Variants in TIAL1 observed in about 807,000 individuals in gnomAD.
TIAL1 encodes TIA1 cytotoxic granule associated RNA binding protein like 1, also known as nucleolysin TIAR.
In TIAL1, 7 loss-of-function variants were observed where a neutral mutation model predicts 59.7. The observed-to-expected ratio is 0.12, with a 90% CI of 0.07 to 0.22. The LOEUF (loss-of-function observed/expected upper bound fraction) is 0.22, where lower values mean the gene tolerates loss of function less well. Ranked by LOEUF, TIAL1 falls within the 10% of genes least tolerant of loss-of-function variation. The probability of loss-of-function intolerance (pLI) is 1.00; values close to 1 mark genes in which losing one functional copy is unlikely to be tolerated. For missense variants in TIAL1, 225 were observed against 462.5 expected (o/e 0.49, Z 4.71); for synonymous variants, 149 against 146.3 (o/e 1.02, Z -0.13).
intron 1 of TIAL1, among the ~76,000 whole-genome samples, chr10:119,594,070 T>C (rs1339512105): frequency 7.2e-6 from 1 of 139,430 alleles, no homozygotes; most frequent in Non-Finnish European, 1.6e-5. Flanking sequence ...GTCCTTCTCT[T>C]AAAAAAAAAA....
chr10:119,594,159 A>G (rs946527069), intron 1 of TIAL1, among the ~76,000 whole-genome samples: 1 of 152,182 alleles, frequency 6.6e-6, no homozygotes, highest in African/African-American at 2.4e-5. Flanking sequence ...AAAACAACAG[A>G]GTTAAGATGT....
At chr10:119,594,417 A>G (rs953360739) in intron 1 of TIAL1, among the ~76,000 whole-genome samples, 1 of 152,210 alleles carries the variant, frequency 6.6e-6, no homozygotes, top group South Asian at 2.1e-4. Context: ...TTGGTAAGGA[A>G]CAGATACAGT....
chr10:119,579,879 G>C, intron 6 of TIAL1, 56 bp downstream of exon 6: 1 of 1,380,046 alleles, frequency 7.2e-7, no homozygotes, highest in Non-Finnish European at 9.8e-7. Flanking sequence ...AATACATTAA[G>C]TAACTAATGA....
Position 119,577,122 on chromosome 10 carries a change from A to G in TIAL1, c.819T>C (p.Tyr273=). 3.7e-6 allele frequency: 6 copies of G among 1,614,026 alleles called. No homozygotes were observed. Among genetic ancestry groups the G allele is most frequent in the Non-Finnish European group, 5.1e-6 (6 of 1,179,958 alleles). Residue 273 remains tyrosine (Y), a synonymous_variant, in exon 10 of 12, where the codon TAT becomes TAC. Coordinates refer to ENST00000436547, the MANE Select transcript of TIAL1 (RefSeq NM_003252.4). ...TCATATCAGGAGATTCTTTACCCCA[A>G]TAGCATTTAACCACATGTCCTTCAA... ...TTIEGHVVKC[Y]WGKESPDMTK... is the part of the protein sequence containing the mutation.
Position 119,575,676 on chromosome 10 carries a change from G to T in TIAL1, c.1117C>A (p.Gln373Lys). The T allele has an allele frequency of 2.5e-6, 4 of 1,613,212 alleles. No homozygotes were observed. Among genetic ancestry groups the T allele is most frequent in the Non-Finnish European group, 3.4e-6 (4 of 1,179,676 alleles). The change falls in exon 12 of 12, where the codon CAA (glutamine) becomes AAA (lysine). Residue 373 changes from glutamine to lysine, a missense_variant. Physicochemically the swap from Gln to Lys is moderately conservative, Grantham distance 53. Around this residue, in one of 4 missense-constraint regions of TIAL1, gnomAD observed 68 missense variants for 71.3 expected, o/e 0.95. Transcript: ENST00000436547. ...TTTAGAGTCCCGGCTCACTGTGTTT[G>T]GTAACTTGCCATACCATATCCGGCT... ...NQAGYGMASY[Q>K]TQ
At chr10:119,576,818 G>A in intron 10 of TIAL1, 68 bp from the exon 11 acceptor site, 1 of 1,574,012 alleles carries the variant, frequency 6.4e-7, no homozygotes, top group Non-Finnish European at 8.6e-7. Context: ...AAGAGTGGGA[G>A]ACAAGGAAGA....
rs994766147 is a variant in TIAL1 at position 119,574,733 on chromosome 10, C to T, written c.*932G>A. On this transcript the variant is annotated 3_prime_UTR_variant, in exon 12 of 12. Coordinates refer to ENST00000436547, the MANE Select transcript of TIAL1 (RefSeq NM_003252.4). ...ATTTTAATTTTACATAGTAGCCAAC[C>T]TTGGAAATGTCAGTCTTAACATTCT... 2.0e-5 allele frequency: 3 copies of T among 152,498 alleles called. No individual in the cohort carries two copies. Among genetic ancestry groups the T allele is most frequent in the African/African-American group, 7.2e-5 (3 of 41,426 alleles). The allele number at this position is 152,498 out of a possible 1,614,324, so 9.4% of individuals were successfully genotyped here.
chr10:119,596,302 C>T (rs1352270258), intron 1 of TIAL1, 132 bp downstream of exon 1: 18 of 916,134 alleles, frequency 2.0e-5, no homozygotes, highest in Non-Finnish European at 2.6e-5. Flanking sequence ...GAATGCACTT[C>T]GCGTCCACGC....
At chr10:119,581,352 T>G (rs997233939) in intron 5 of TIAL1, among the ~76,000 whole-genome samples, 1 of 152,038 alleles carries the variant, frequency 6.6e-6, no homozygotes, top group African/African-American at 2.4e-5. Context: ...AAACATCTAA[T>G]TAATCCCACA....
chr10:119,581,717 T>C, intron 5 of TIAL1: 1 of 448,050 alleles, frequency 2.2e-6, no homozygotes. Context: ...CAGGATTAGA[T>C]GAAAACGAGA....
chr10:119,580,622 G>A (rs995745339), intron 5 of TIAL1: 21 of 993,976 alleles, frequency 2.1e-5, no homozygotes, highest in Middle Eastern at 6.2e-4. Flanking sequence ...ACACCAGTAC[G>A]AAAACAACAA....
At chr10:119,596,344 G>A (rs1846188904) in intron 1 of TIAL1, 90 bp downstream of exon 1, 1 of 1,468,466 alleles carries the variant, frequency 6.8e-7, no homozygotes, top group South Asian at 1.2e-5. Context: ...TAGAGTCCCG[G>A]CTTCGGCCCA....
Position 119,596,451 on chromosome 10 carries a change from G to T in TIAL1, c.15C>A (p.Asp5Glu). The change falls in exon 1 of 12, where the codon GAC becomes GAA. Residue 5 changes from aspartate to glutamate, a missense_variant. By Grantham distance (45) the Asp-to-Glu change is conservative. Coordinates refer to ENST00000436547, the MANE Select transcript of TIAL1 (RefSeq NM_003252.4). ...GTACTCACAGAGTCCGGGGCTGCCC[G>T]TCGTCTTCCATCATGGTGGGTGCGA... MMED[D>E]GQPRTLYVGN... 1.4e-5 allele frequency: 22 copies of T among 1,583,196 alleles called. No individual in the cohort carries two copies. The highest frequency in any genetic ancestry group is 1.9e-5 in the Non-Finnish European group (22 of 1,162,298).
chr10:119,588,000 C>T, intron 2 of TIAL1, 152 bp downstream of exon 2: 2 of 447,348 alleles, frequency 4.5e-6, no homozygotes, highest in South Asian at 1.7e-4. Flanking sequence ...AAACTCCATT[C>T]TAAGCCTAGT....
intron 1 of TIAL1, among the ~76,000 whole-genome samples, chr10:119,590,544 C>G (rs918651993): frequency 1.3e-5 from 2 of 151,542 alleles, no homozygotes; most frequent in Admixed American, 1.3e-4. Context: ...ACCCTGTCTC[C>G]ACAAAAAATA....
At chr10:119,595,774 T>A (rs993198799) in intron 1 of TIAL1, among the ~76,000 whole-genome samples, 20 of 152,302 alleles carry the variant, frequency 1.3e-4, no homozygotes, top group South Asian at 8.3e-4. Context: ...CAAAGTAAAC[T>A]TCTTTATCCA....
In TIAL1 at chr10:119,596,505, C is replaced by T; in HGVS notation, c.-40G>A. 4.5e-6 allele frequency: 1 copy of T among 220,980 alleles called. No homozygotes were observed. The highest frequency in any genetic ancestry group is 2.4e-4 in the East Asian group (1 of 4,226). The allele number at this position is 220,980 out of a possible 1,614,324, so 13.7% of individuals were successfully genotyped here. On this transcript the variant is annotated 5_prime_UTR_variant, in exon 1 of 12. Coordinates refer to ENST00000436547, the MANE Select transcript of TIAL1 (RefSeq NM_003252.4). Reference sequence around the variant, plus strand: ...AGCGATCCCGGGACAAGGGGGAGGGCAGGGTTGGGGAGGGGAGGGGGTGGG... The same window carrying T: ...AGCGATCCCGGGACAAGGGGGAGGGTAGGGTTGGGGAGGGGAGGGGGTGGG...
In TIAL1 at chr10:119,577,746, G is replaced by GA; in HGVS notation, c.557-11dup. 6.2e-7 allele frequency: 1 copy of GA among 1,601,246 alleles called. No individual in the cohort carries two copies. The highest frequency in any genetic ancestry group is 8.6e-7 in the Non-Finnish European group (1 of 1,168,518). On this transcript the variant is annotated splice_polypyrimidine_tract_variant and intron_variant, in intron 7 of 11. Coordinates refer to ENST00000436547, the MANE Select transcript of TIAL1 (RefSeq NM_003252.4). ...AACTGCTTAGTGTTGTCTGTATGCA[G>GA]AAACAAAACAAAAACGTTGACTGTT...
intron 8 of TIAL1, 32 bp from the exon 9 acceptor site, chr10:119,577,567 C>T: frequency 6.2e-7 from 1 of 1,608,436 alleles, no homozygotes. Flanking sequence ...TAAAACATGG[C>T]TGATGTGTAT....
Sources: gnomAD v4.1 joint callset for allele counts (sites outside exome capture counted in the v4.1 genomes callset) on GRCh38, gnomAD v4.1.1 for gene constraint, gnomAD v4.1.1 regional missense constraint, MANE v1.5 for transcripts, NCBI Gene and HGNC (gene_info 2026-07-23, HGNC 2026-07-21) for gene names.